Variants in MGAT1 observed in about 807,000 individuals in gnomAD.
The protein encoded by MGAT1 is N-glycosyl-oligosaccharide-glycoprotein N-acetylglucosaminyltransferase I.
MGAT1 carries 14 observed loss-of-function variants against 31.7 expected under a neutral mutation model. That is an observed-to-expected ratio of 0.44 (90% CI 0.29 to 0.69). MGAT1 has a LOEUF of 0.69. MGAT1 is among the 30% of genes least tolerant of loss of function. The pLI, the probability that MGAT1 is intolerant of heterozygous loss-of-function variation, is 0.12. For synonymous variants in MGAT1, 338 were observed against 276.0 expected, an observed-to-expected ratio of 1.22 and a Z score of -2.23; for missense variants, 557 against 626.0, an observed-to-expected ratio of 0.89 and a Z score of 1.18.
intron 1 of MGAT1, among the ~76,000 whole-genome samples, chr5:180,798,193 A>T (rs1449935266): frequency 1.3e-5 from 2 of 152,228 alleles, no homozygotes; most frequent in Non-Finnish European, 2.9e-5. Context: ...TTAGGTGTTT[A>T]GAACAGTGCC....
intron 1 of MGAT1, among the ~76,000 whole-genome samples, chr5:180,794,411 T>TATATATATA (rs1554130048): frequency 2.1e-5 from 3 of 142,032 alleles, no homozygotes; most frequent in East Asian, 2.0e-4. Context: ...TTTTTTTTTA[T>TATATATATA]TATATATATA....
At chr5:180,804,200 C>A (rs1294087957), upstream of MGAT1, among the ~76,000 whole-genome samples, 4 of 152,248 alleles carry the variant, frequency 2.6e-5, no homozygotes, top group Non-Finnish European at 5.9e-5. Flanking sequence ...TGAGCGTTAT[C>A]ATCCCCATTC....
rs1377083749 is a variant in MGAT1, at chr5:180,814,985, A to T, written c.-546+429T>A. The stretch of plus-strand genomic sequence containing the variant: ...AAATTAAAAACAAGGAATATCTGAA[A>T]CTGGGTAATTTATAAGGAAAGGGAA... On this transcript the variant is annotated intron_variant, in intron 1 of 2. Transcript: ENST00000333055. Among the ~76,000 whole-genome samples, 5 of 152,150 alleles carry T rather than the reference A, an allele frequency of 3.3e-5. 1 individual carries two copies. The South Asian group carries it at 8.3e-4, about 25-fold the overall frequency.
rs904115896 is a variant in MGAT1 at position 180,791,307 on chromosome 5, C to T, written c.*327G>A. 2.6e-4 allele frequency: 100 copies of T among 388,180 alleles called. No individual in the cohort carries two copies. The highest frequency in any genetic ancestry group is 4.1e-4 in the Non-Finnish European group (87 of 213,292). 24.0% of individuals were successfully genotyped at this position (388,180 alleles called of 1,614,324 possible). ...GAAGGGGTCTGGTCAAGAGAGCGAA[C>T]GTTGCCAAACTCTCTGCACATGCTC... is the stretch of plus-strand genomic sequence containing the variant. On this transcript the variant is annotated 3_prime_UTR_variant, in exon 2 of 2. Transcript: ENST00000307826.
intron 1 of MGAT1, chr5:180,810,972 C>G (rs1304057997): frequency 6.6e-6 from 1 of 152,266 alleles, no homozygotes; most frequent in African/African-American, 2.4e-5. Flanking sequence ...CGGCGCGGCC[C>G]TTCCCGTCGT....
chr5:180,796,702 C>T (rs1769462240), intron 1 of MGAT1, among the ~76,000 whole-genome samples: 1 of 152,136 alleles, frequency 6.6e-6, no homozygotes, highest in South Asian at 2.1e-4. Context: ...ACCTCTGCCT[C>T]CCAGGCTCAA....
intron 1 of MGAT1, among the ~76,000 whole-genome samples, chr5:180,812,596 G>C (rs1772646621): frequency 6.6e-6 from 1 of 151,688 alleles, no homozygotes; most frequent in South Asian, 2.1e-4. Context: ...ATACATAACA[G>C]GTACAAATTT....
At chr5:180,808,362 A>G (rs1772131391) in intron 2 of MGAT1, 1 of 151,624 alleles carries the variant, frequency 6.6e-6, no homozygotes, top group Admixed American at 6.6e-5. Flanking sequence ...CTTTAAAGGT[A>G]ATCTAATCCA....
chr5:180,807,215 G>C (rs940084952), upstream of MGAT1, among the ~76,000 whole-genome samples: 1 of 152,176 alleles, frequency 6.6e-6, no homozygotes, highest in Non-Finnish European at 1.5e-5. Context: ...AACATGTGAG[G>C]CCTAGGTGTT....
rs1284768690 is a variant in MGAT1 at position 180,790,591 on chromosome 5, C to T, written c.*1043G>A. The T allele has an allele frequency of 6.6e-6, 1 of 152,232 alleles. No homozygotes were observed. The highest frequency in any genetic ancestry group is 2.4e-5 in the African/African-American group (1 of 41,436). The allele number at this position is 152,232 out of a possible 1,614,324, so 9.4% of individuals were successfully genotyped here. On this transcript the variant is annotated 3_prime_UTR_variant, in exon 2 of 2. Transcript: ENST00000307826. ...TTTTAGAAAATAATTCTGTAGCTTC[C>T]ACTTTCTTTCATGAAACTGAGGTCA...
At chr5:180,804,248 C>T (rs1771511355), upstream of MGAT1, among the ~76,000 whole-genome samples, 1 of 152,232 alleles carries the variant, frequency 6.6e-6, no homozygotes, top group Non-Finnish European at 1.5e-5. Flanking sequence ...TAAGTGCAAA[C>T]GTGCTGCAAG....
intron 1 of MGAT1, among the ~76,000 whole-genome samples, chr5:180,796,997 C>T (rs1769537118): frequency 1.3e-5 from 2 of 152,222 alleles, no homozygotes; most frequent in Non-Finnish European, 2.9e-5. Flanking sequence ...GATTCCCTGT[C>T]TCCCAACTTC....
chr5:180,791,806 G>A lies in MGAT1; in HGVS notation c.1166C>T (p.Thr389Met), dbSNP rs368412689. 50 of 1,614,062 alleles carry A rather than the reference G, an allele frequency of 3.1e-5. No individual in the cohort carries two copies. Among genetic ancestry groups the A allele is most frequent in the African/African-American group, 4.0e-5 (3 of 74,934 alleles). Residue 389 changes from threonine (T) to methionine (M), a missense_variant, in exon 2 of 2, where the codon ACG (threonine) becomes ATG (methionine). Transcript: ENST00000307826. ...GAAAGCCTTGAAGCTGTCCCTGCCC[G>A]TATACTGCACCCGCACCTCCCCCAG... ...KELGEVRVQY[T>M]GRDSFKAFAK...
chr5:180,807,380 C>T (rs902297813), upstream of MGAT1, among the ~76,000 whole-genome samples: 5 of 152,062 alleles, frequency 3.3e-5, no homozygotes, highest in South Asian at 6.2e-4. Flanking sequence ...CATCTTGGCA[C>T]AGGTAAATTG....
rs766271880 is a variant in MGAT1 at position 180,792,011 on chromosome 5, G to T, written c.961C>A (p.His321Asn). 1 of 1,614,176 alleles carries T rather than the reference G, an allele frequency of 6.2e-7. No individual in the cohort carries two copies. Among genetic ancestry groups the T allele is most frequent in the South Asian group, 1.1e-5 (1 of 91,090 alleles). Residue 321 changes from histidine (H) to asparagine (N), a missense_variant, in exon 2 of 2, where the codon CAC becomes AAC. His to Asn is a moderately conservative substitution (Grantham distance 68, BLOSUM62 1). Around this residue, in one of 3 missense-constraint regions of MGAT1, gnomAD observed 245 missense variants for 332.9 expected, o/e 0.74. Coordinates refer to ENST00000307826, the MANE Select transcript of MGAT1 (RefSeq NM_002406.4). ...AGGTGCTGGTCAAAGAACTGCCCGT[G>T]GCTCACACCCTTGCGGCCAAAGGTC... ...TMTFGRKGVS[H>N]GQFFDQHLKF...
chr5:180,792,821 T>G lies in MGAT1; in HGVS notation c.151A>C (p.Thr51Pro), dbSNP rs752582148. 1.3e-6 allele frequency: 2 copies of G among 1,561,226 alleles called. No individual in the cohort carries two copies. Among genetic ancestry groups the G allele is most frequent in the African/African-American group, 1.4e-5 (1 of 73,626 alleles). ...TGGGCCAGGCGAATCACTTCCCGGGTGAGGCTGGCGGGGTCGCCATCGAGA... is the reference window on the plus strand; with the variant it reads ...TGGGCCAGGCGAATCACTTCCCGGGGGAGGCTGGCGGGGTCGCCATCGAGA... Reference protein sequence around the residue: ...SALDGDPASLTREVIRLAQDA... With the variant: ...SALDGDPASLPREVIRLAQDA... Residue 51 changes from threonine to proline, a missense_variant, in exon 2 of 2, where the codon ACC (threonine) becomes CCC (proline). Thr to Pro is a conservative substitution (Grantham distance 38, BLOSUM62 -1). Around this residue, in one of 3 missense-constraint regions of MGAT1, gnomAD observed 167 missense variants for 149.8 expected, o/e 1.11. Transcript: ENST00000307826.
Position 180,792,668 on chromosome 5 carries a change from C to T in MGAT1, c.304G>A (p.Ala102Thr). The change falls in exon 2 of 2, where the codon GCG (alanine) becomes ACG (threonine). Residue 102 changes from alanine to threonine, a missense_variant. Ala to Thr is a moderately conservative substitution (Grantham distance 58). This residue lies in a region of MGAT1 where 167 missense variants were observed against 149.8 expected (regional missense o/e 1.11). Transcript: ENST00000307826. ...PAQPRVPVTP[A>T]PAVIPILVIA... ...ACCAGGATGGGAATCACCGCCGGCG[C>T]GGGGGTCACAGGCACACGCGGCTGG... The T allele has an allele frequency of 6.3e-7, 1 of 1,576,030 alleles. No homozygotes were observed.
chr5:180,814,203 T>G (rs192499547), intron 1 of MGAT1, among the ~76,000 whole-genome samples: 51 of 152,392 alleles, frequency 3.3e-4, no homozygotes, highest in Admixed American at 7.2e-4. Flanking sequence ...GTACCGATTT[T>G]AGTCTGAAGT....
At chr5:180,804,987 G>C (rs1771642655), upstream of MGAT1, among the ~76,000 whole-genome samples, 1 of 152,154 alleles carries the variant, frequency 6.6e-6, no homozygotes, top group Non-Finnish European at 1.5e-5. Flanking sequence ...CCTGGTTAGG[G>C]AATCAGAATG....
Sources: gnomAD v4.1 joint callset for allele counts (sites outside exome capture counted in the v4.1 genomes callset) on GRCh38, gnomAD v4.1.1 for gene constraint, gnomAD v4.1.1 regional missense constraint, MANE v1.5 for transcripts, NCBI Gene and HGNC (gene_info 2026-07-23, HGNC 2026-07-21) for gene names.